The following SEMA5B variants were observed in gnomAD, a reference collection of about 807,000 sequenced individuals.
SEMA5B encodes the protein semaphorin-5B.
In SEMA5B, 66 loss-of-function variants were observed where a neutral mutation model predicts 135.0. The ratio of observed to expected loss-of-function variants is 0.49; its 90% CI spans 0.40 to 0.60. The LOEUF is 0.60. Ranked by LOEUF, SEMA5B falls within the 20% of genes least tolerant of loss-of-function variation. The pLI is 0.00. For synonymous variants in SEMA5B, 690 were observed against 639.5 expected (o/e 1.08, Z -1.19); for missense variants, 1,501 against 1,566.3 (o/e 0.96, Z 0.70).
chr3:122,972,691 A>G (rs1941170894), intron 1 of SEMA5B, among the ~76,000 whole-genome samples: 1 of 152,202 alleles, frequency 6.6e-6, no homozygotes, highest in African/African-American at 2.4e-5. Flanking sequence ...GGTGACCAGC[A>G]GAAAGGTAGT....
In SEMA5B at chr3:122,997,522, C is replaced by G. The variant is rs566616544; in HGVS notation, c.-39+29942G>C. Among the ~76,000 whole-genome samples the G allele has an allele frequency of 4.4e-4, 67 of 152,034 alleles. 1 individual carries two copies. The highest frequency in any genetic ancestry group is 7.7e-4 in the Non-Finnish European group (52 of 67,968). On this transcript the variant is annotated intron_variant, in intron 1 of 22. Transcript: ENST00000357599. The stretch of plus-strand genomic sequence containing the variant: ...CCTGGCTGGTCCCCAGGCCTCTCCC[C>G]CCCCCGTCTCCACCAGGGCATGTTG...
chr3:122,976,608 C>T (rs1264854699), intron 1 of SEMA5B, among the ~76,000 whole-genome samples: 1 of 152,176 alleles, frequency 6.6e-6, no homozygotes, highest in African/African-American at 2.4e-5. Flanking sequence ...CCTGTATACC[C>T]GCCATCTAGA....
At chr3:122,963,504 AGAAAAAG>A (rs1442589716) in intron 1 of SEMA5B, among the ~76,000 whole-genome samples, 1 of 129,550 alleles carries the variant, frequency 7.7e-6, no homozygotes, top group African/African-American at 3.1e-5. Context: ...AAAAAAAAAA[AGAAAAAG>A]AAAAAGAAAA....
intron 1 of SEMA5B, chr3:122,975,903 A>T: frequency 2.8e-5 from 38 of 1,380,734 alleles, no homozygotes; most frequent in Non-Finnish European, 3.3e-5. Context: ...TCTGCCTCAG[A>T]CTCCCTCTCC....
chr3:122,936,973 A>G (rs1379778532), intron 5 of SEMA5B, among the ~76,000 whole-genome samples: 1 of 152,260 alleles, frequency 6.6e-6, no homozygotes, highest in Non-Finnish European at 1.5e-5. Context: ...AAAACTGTTT[A>G]CATTTAGATT....
chr3:122,953,537 C>T (rs1169058720), intron 2 of SEMA5B, among the ~76,000 whole-genome samples: 1 of 152,152 alleles, frequency 6.6e-6, no homozygotes, highest in Non-Finnish European at 1.5e-5. Flanking sequence ...CGTCTGTCTG[C>T]TGTTTCAGGA....
chr3:122,913,015 CG>C lies in SEMA5B; in HGVS notation c.2552del (p.Thr851ArgfsTer2). 1 of 1,598,474 alleles carries C rather than the reference CG, an allele frequency of 6.3e-7. No individual in the cohort carries two copies. The highest frequency in any genetic ancestry group is 1.3e-5 in the African/African-American group (1 of 74,446). On this transcript the variant is annotated frameshift_variant, in exon 18 of 23. Coordinates refer to ENST00000357599, the MANE Select transcript of SEMA5B (RefSeq NM_001031702.4). LOFTEE classifies it high-confidence loss of function. ...LLRSGSTSPH[T>X]VSGGWAAWGP... The stretch of plus-strand genomic sequence containing the variant: ...CCCAGGCGGCCCAGCCCCCGCTCAC[CG>C]TGTGCGGGGAGGTGCTCCCGCTGCG...
In SEMA5B at chr3:122,943,539, G is replaced by T. The variant is rs762199605; in HGVS notation, c.329-4C>A. 1 of 1,600,210 alleles carries T rather than the reference G, an allele frequency of 6.2e-7. No homozygotes were observed. Among genetic ancestry groups the T allele is most frequent in the Non-Finnish European group, 8.5e-7 (1 of 1,172,942 alleles). On this transcript the variant is annotated splice_region_variant and splice_polypyrimidine_tract_variant and intron_variant, in intron 3 of 22. Transcript: ENST00000357599. ...TTAGAGACCCACGGCTGCAGGTCTGGTGGAGGGAGAGGCAACCCTGTGGTT... is the reference window on the plus strand; with the variant it reads ...TTAGAGACCCACGGCTGCAGGTCTGTTGGAGGGAGAGGCAACCCTGTGGTT...
At position 122,913,407 on chromosome 3, in the gene SEMA5B, G is replaced by A. The variant is rs1310661402; in HGVS notation, c.2298C>T (p.Asn766=). 1 of 1,574,242 alleles carries A rather than the reference G, an allele frequency of 6.4e-7. No homozygotes were observed. The highest frequency in any genetic ancestry group is 8.6e-7 in the Non-Finnish European group (1 of 1,164,626). The part of the protein sequence containing the change: ...LGCGVEFKTC[N]PEGCPEVRRN... ...GCCGCACTTCGGGGCAGCCCTCGGGGTTGCACGTCTTGAACTCCTGCGGGT... is the reference window on the plus strand; with the variant it reads ...GCCGCACTTCGGGGCAGCCCTCGGGATTGCACGTCTTGAACTCCTGCGGGT... Residue 766 remains asparagine, a synonymous_variant, in exon 17 of 23, where the codon AAC becomes AAT. Coordinates refer to ENST00000357599, the MANE Select transcript of SEMA5B (RefSeq NM_001031702.4).
chr3:122,984,739 GA>G (rs1033423868), intron 1 of SEMA5B, among the ~76,000 whole-genome samples: 1 of 151,638 alleles, frequency 6.6e-6, no homozygotes, highest in Non-Finnish European at 1.5e-5. Context: ...AATTTAAATT[GA>G]AAAAAAGTTC....
chr3:122,999,393 A>G (rs1302397478), intron 1 of SEMA5B, among the ~76,000 whole-genome samples: 1 of 151,382 alleles, frequency 6.6e-6, no homozygotes. Context: ...TGCCCGGCTG[A>G]TTTGTATTTT....
chr3:122,988,898 G>A (rs1327848049), intron 1 of SEMA5B, among the ~76,000 whole-genome samples: 2 of 152,240 alleles, frequency 1.3e-5, no homozygotes, highest in Non-Finnish European at 2.9e-5. Flanking sequence ...GTTGGATAAA[G>A]AAATGAATGC....
chr3:122,977,458 T>G (rs1941369299), intron 1 of SEMA5B, among the ~76,000 whole-genome samples: 1 of 152,226 alleles, frequency 6.6e-6, no homozygotes, highest in Non-Finnish European at 1.5e-5. Flanking sequence ...ACAACCTATA[T>G]TTTTACTTGC....
chr3:122,954,817 AG>A (rs1278316316), intron 2 of SEMA5B, among the ~76,000 whole-genome samples: 7 of 142,440 alleles, frequency 4.9e-5, no homozygotes, highest in African/African-American at 1.8e-4. Flanking sequence ...TTTTTGAGAC[AG>A]GGTCTCACTT....
Position 122,999,546 on chromosome 3 carries a change from T to A in SEMA5B, c.-39+27918A>T, listed in dbSNP as rs1022257448. 5.3e-5 allele frequency among the ~76,000 whole-genome samples: 8 copies of A among 151,226 alleles called. No homozygotes were observed. The East Asian group carries it at 9.7e-4, about 18-fold the overall frequency. ...GGCCTTAAGTAGATTTTTTTTTTTT[T>A]AAACCCACCAAAGATAACGACATCT... On this transcript the variant is annotated intron_variant, in intron 1 of 22. Coordinates refer to ENST00000357599, the MANE Select transcript of SEMA5B (RefSeq NM_001031702.4).
chr3:122,942,490 A>G (rs1939600860), intron 4 of SEMA5B, among the ~76,000 whole-genome samples: 1 of 152,190 alleles, frequency 6.6e-6, no homozygotes. Flanking sequence ...GTGCAGTCCC[A>G]GGCGATAACA....
rs1939907824 is a variant in SEMA5B, at chr3:122,948,668, C to T, written c.166G>A (p.Gly56Arg). The T allele has an allele frequency of 1.9e-6, 3 of 1,611,722 alleles. No individual in the cohort carries two copies. Among genetic ancestry groups the T allele is most frequent in the South Asian group, 1.1e-5 (1 of 90,822 alleles). ...CLPPGARTAE[G>R]PIMVLAGPLA... ...GGGCCTGCAAGCACCATGATAGGCC[C>T]CTCTGCAGTCCTAGCTCCGGGAGGC... The change falls in exon 3 of 23, where the codon GGG becomes AGG. Residue 56 changes from glycine to arginine, a missense_variant. Gly to Arg is a moderately radical substitution (Grantham distance 125). This residue lies in a region of SEMA5B where 574 missense variants were observed against 684.7 expected (regional missense o/e 0.84). Transcript: ENST00000357599.
At chr3:122,996,086 C>CTGGAGTAGA (rs1942015209) in intron 1 of SEMA5B, among the ~76,000 whole-genome samples, 1 of 152,190 alleles carries the variant, frequency 6.6e-6, no homozygotes, top group African/African-American at 2.4e-5. Context: ...GCTTTTCATC[C>CTGGAGTAGA]CCATGGAACA....
intron 2 of SEMA5B, among the ~76,000 whole-genome samples, chr3:122,954,963 G>A (rs1411756719): frequency 7.2e-6 from 1 of 138,154 alleles, no homozygotes; most frequent in Non-Finnish European, 1.6e-5. Context: ...GGGCAATTTT[G>A]TTTTTTGTTT....
Sources: allele counts gnomAD v4.1 joint callset (sites outside exome capture counted in the v4.1 genomes callset), GRCh38; gene constraint gnomAD v4.1.1; regional missense constraint gnomAD v4.1.1; transcripts MANE v1.5; gene names NCBI Gene and HGNC (gene_info 2026-07-23, HGNC 2026-07-21).